Variants in SGCD observed in about 807,000 individuals in gnomAD.
SGCD encodes delta-sarcoglycan.
Under a neutral mutation model 36.6 loss-of-function variants are expected in SGCD, and 18 were observed. The observed-to-expected ratio is 0.49, with a 90% CI of 0.34 to 0.73. The LOEUF (loss-of-function observed/expected upper bound fraction) is 0.73. SGCD is among the 30% of genes least tolerant of loss of function. The pLI is 0.01. For missense variants in SGCD, 387 were observed against 346.7 expected, an observed-to-expected ratio of 1.12 and a Z score of -0.92; for synonymous variants, 133 against 130.6, an observed-to-expected ratio of 1.02 and a Z score of -0.12.
intron 3 of SGCD, among the ~76,000 whole-genome samples, chr5:156,255,674 T>C (rs1765696678): frequency 1.3e-5 from 2 of 152,110 alleles, no homozygotes; most frequent in South Asian, 4.1e-4. Flanking sequence ...TTTGTTTCCT[T>C]GAAAGTTCTA....
chr5:156,701,854 G>A (rs1754541084), intron 7 of SGCD, among the ~76,000 whole-genome samples: 1 of 152,198 alleles, frequency 6.6e-6, no homozygotes, highest in South Asian at 2.1e-4. Context: ...GATAGCATCT[G>A]CATGAATTGA....
chr5:156,259,259 A>G (rs1370528694), intron 3 of SGCD, among the ~76,000 whole-genome samples: 2 of 151,784 alleles, frequency 1.3e-5, no homozygotes, highest in Admixed American at 1.3e-4. Context: ...GGCCATTCCT[A>G]TATCTTTGAT....
At chr5:156,119,780 C>A (rs1180643855) in intron 2 of SGCD, among the ~76,000 whole-genome samples, 1 of 152,080 alleles carries the variant, frequency 6.6e-6, no homozygotes. Context: ...TCTGTGAAAC[C>A]CGTGTCTGTG....
intron 1 of SGCD, among the ~76,000 whole-genome samples, chr5:155,946,515 A>C (rs1035047725): frequency 9.2e-5 from 14 of 152,048 alleles, no homozygotes; most frequent in Admixed American, 9.2e-4. Flanking sequence ...TGGTATTTTG[A>C]ATCATTAAAA....
chr5:156,002,061 A>G (rs1758675190), intron 1 of SGCD, among the ~76,000 whole-genome samples: 1 of 152,214 alleles, frequency 6.6e-6, no homozygotes, highest in Non-Finnish European at 1.5e-5. Flanking sequence ...TTACAGACTG[A>G]ATTGTCCGCC....
intron 4 of SGCD, among the ~76,000 whole-genome samples, chr5:156,530,573 T>C (rs963834714): frequency 2.0e-5 from 3 of 152,014 alleles, no homozygotes; most frequent in Non-Finnish European, 2.9e-5. Context: ...TTTTCCTTTT[T>C]TTTTTCTTTT....
chr5:155,926,377 G>A (rs1756998117), intron 1 of SGCD, among the ~76,000 whole-genome samples: 1 of 152,088 alleles, frequency 6.6e-6, no homozygotes, highest in Admixed American at 6.6e-5. Context: ...CAAATATGGT[G>A]CTCTTGAAAT....
In SGCD at chr5:156,516,231, C is replaced by T. The variant is rs191446400; in HGVS notation, c.294+7529C>T. Among the ~76,000 whole-genome samples the T allele has an allele frequency of 6.4e-4, 98 of 152,316 alleles. No homozygotes were observed. The South Asian group carries it at 0.016, about 24-fold the overall frequency. ...TCCTGACTAGGTGAGACCCCCCACA[C>T]ACACACCCCCAATAGGGGTTGCCAG... On this transcript the variant is annotated intron_variant, in intron 4 of 8. Transcript: ENST00000337851.
At chr5:156,592,907 G>A (rs985302878) in intron 5 of SGCD, among the ~76,000 whole-genome samples, 2 of 152,132 alleles carry the variant, frequency 1.3e-5, no homozygotes, top group Non-Finnish European at 2.9e-5. Context: ...TGTGAGTAAG[G>A]AGAGTGCACT....
At chr5:156,682,826 C>T (rs1484936536) in intron 7 of SGCD, among the ~76,000 whole-genome samples, 1 of 152,088 alleles carries the variant, frequency 6.6e-6, no homozygotes, top group Non-Finnish European at 1.5e-5. Flanking sequence ...AACATTAGTA[C>T]CGTACCGAAG....
chr5:156,619,109 T>C (rs1170065743), intron 6 of SGCD, among the ~76,000 whole-genome samples: 1 of 151,048 alleles, frequency 6.6e-6, no homozygotes, highest in Non-Finnish European at 1.5e-5. Flanking sequence ...CACTGCAAGC[T>C]CCGCCTCCCA....
Position 156,355,694 on chromosome 5 carries a change from T to C in SGCD, c.192+11017T>C, listed in dbSNP as rs1769459537. ...CTGTGTTGCCTAGGCTGGAGTGCAA[T>C]GGTGTGATCCCAGCTCACTCCAAAG... On this transcript the variant is annotated intron_variant, in intron 3 of 8. Transcript: ENST00000337851. Among the ~76,000 whole-genome samples, 5 of 152,334 alleles carry C rather than the reference T, an allele frequency of 3.3e-5. No homozygotes were observed. In the South Asian group the frequency reaches 1.0e-3, roughly 32 times the overall value.
rs183746525 is a variant in SGCD, at chr5:156,674,421, A to G, written c.575+26885A>G. On this transcript the variant is annotated intron_variant, in intron 7 of 8. Coordinates refer to ENST00000337851, the MANE Select transcript of SGCD (RefSeq NM_000337.6). ...AAAGAGAATTTTCTTCTTTATTCTT[A>G]TGCCTTAGGATGGCTCAGGAGTGAG... is the stretch of plus-strand genomic sequence containing the variant. Among the ~76,000 whole-genome samples the G allele has an allele frequency of 4.5e-3, 691 of 152,274 alleles. 5 individuals carry two copies. The highest frequency in any genetic ancestry group is 0.015 in the African/African-American group (623 of 41,550).
chr5:155,932,123 A>C (rs1187897642), intron 1 of SGCD, among the ~76,000 whole-genome samples: 1 of 152,188 alleles, frequency 6.6e-6, no homozygotes, highest in Non-Finnish European at 1.5e-5. Context: ...AATTTTGGGG[A>C]GAGACAAACA....
At chr5:156,746,104 G>A (rs557560169) in intron 7 of SGCD, among the ~76,000 whole-genome samples, 2 of 151,284 alleles carry the variant, frequency 1.3e-5, no homozygotes, top group African/African-American at 4.9e-5. Context: ...TGACACTATA[G>A]ACCATCAGAG....
the SGCD span, among the ~76,000 whole-genome samples, chr5:155,804,744 G>C: frequency 6.6e-6 from 1 of 152,206 alleles, no homozygotes; most frequent in African/African-American, 2.4e-5. Context: ...GGAATTTTCG[G>C]AAAGTATCTA....
intron 7 of SGCD, among the ~76,000 whole-genome samples, chr5:156,711,430 GA>G (rs1279060177): frequency 3.9e-5 from 6 of 152,106 alleles, no homozygotes; most frequent in African/African-American, 4.8e-5. Flanking sequence ...AGATAAGAAG[GA>G]AAGTGAAGAT....
chr5:156,680,242 T>C (rs1428931964), intron 7 of SGCD, among the ~76,000 whole-genome samples: 2 of 152,066 alleles, frequency 1.3e-5, no homozygotes, highest in Non-Finnish European at 2.9e-5. Context: ...CATAGCTAAG[T>C]AGGGTGTTCA....
At chr5:156,384,885 A>G (rs1771191380) in intron 3 of SGCD, among the ~76,000 whole-genome samples, 1 of 152,196 alleles carries the variant, frequency 6.6e-6, no homozygotes, top group Admixed American at 6.5e-5. Flanking sequence ...ATTGAAAGCC[A>G]GTTATTCCAA....
Sources: allele counts gnomAD v4.1 joint callset (sites outside exome capture counted in the v4.1 genomes callset), GRCh38; gene constraint gnomAD v4.1.1; transcripts MANE v1.5; gene names NCBI Gene and HGNC (gene_info 2026-07-23, HGNC 2026-07-21).